The following PTPRT variants were observed in gnomAD, a reference collection of about 807,000 sequenced individuals.
The protein encoded by PTPRT is receptor-type tyrosine-protein phosphatase T.
PTPRT carries 56 observed loss-of-function variants against 176.8 expected under a neutral mutation model. The observed-to-expected ratio is 0.32, with a 90% CI of 0.26 to 0.40. The LOEUF is 0.40. Among genes scored for constraint, PTPRT ranks in the 10% least tolerant of loss-of-function variants. The pLI, the probability that PTPRT is intolerant of heterozygous loss-of-function variation, is 1.00. For synonymous variants in PTPRT, 783 were observed against 739.0 expected (o/e 1.06, Z -0.96); for missense variants, 1,540 against 1,908.2 (o/e 0.81, Z 3.60).
At chr20:42,350,214 G>GTTT (rs764181357) in intron 11 of PTPRT, among the ~76,000 whole-genome samples, 671 of 58,140 alleles carry the variant, frequency 0.012, 23 homozygotes, top group Non-Finnish European at 0.016. Context: ...GATGTTTCTT[G>GTTT]TTTTTTTTTT....
intron 9 of PTPRT, among the ~76,000 whole-genome samples, chr20:42,378,006 T>C (rs2058666807): frequency 6.6e-6 from 1 of 152,220 alleles, no homozygotes; most frequent in Admixed American, 6.5e-5. Flanking sequence ...AGAGGAGGAC[T>C]GATTATTTCA....
intron 19 of PTPRT, among the ~76,000 whole-genome samples, chr20:42,126,593 A>T (rs1600557275): frequency 2.0e-5 from 3 of 152,102 alleles, no homozygotes; most frequent in South Asian, 2.1e-4. Context: ...TCCTCCAGGG[A>T]GCCTTCACTG....
At chr20:42,637,622 C>T (rs1197308572) in intron 7 of PTPRT, among the ~76,000 whole-genome samples, 1 of 152,094 alleles carries the variant, frequency 6.6e-6, no homozygotes, top group African/African-American at 2.4e-5. Flanking sequence ...CTGTCCCTTC[C>T]CTGAAAATTT....
chr20:42,361,163 C>A (rs1270370850), intron 9 of PTPRT, among the ~76,000 whole-genome samples: 2 of 152,126 alleles, frequency 1.3e-5, no homozygotes, highest in Non-Finnish European at 2.9e-5. Context: ...GAGGGTCTGT[C>A]TGAGCCCACC....
chr20:42,146,548 G>C (rs573286325), intron 17 of PTPRT, among the ~76,000 whole-genome samples: 10 of 152,272 alleles, frequency 6.6e-5, no homozygotes, highest in South Asian at 2.1e-4. Context: ...ACTCTCTGGG[G>C]TGGGACATAG....
At chr20:42,673,988 G>A (rs1479491167) in intron 7 of PTPRT, among the ~76,000 whole-genome samples, 1 of 151,872 alleles carries the variant, frequency 6.6e-6, no homozygotes. Context: ...AATTCCTCTG[G>A]GCAGAAATTA....
chr20:42,911,762 A>G (rs1019560121), intron 1 of PTPRT, among the ~76,000 whole-genome samples: 2 of 152,122 alleles, frequency 1.3e-5, no homozygotes, highest in Admixed American at 6.6e-5. Flanking sequence ...ACTGTGATCT[A>G]TGGCTTTTGA....
At chr20:42,352,880 A>G (rs1032945592) in intron 9 of PTPRT, among the ~76,000 whole-genome samples, 2 of 152,184 alleles carry the variant, frequency 1.3e-5, no homozygotes, top group Admixed American at 6.5e-5. Context: ...TTTTAAAAAA[A>G]GAAACAGAGG....
At chr20:42,646,747 A>C (rs1202552629) in intron 7 of PTPRT, among the ~76,000 whole-genome samples, 2 of 151,682 alleles carry the variant, frequency 1.3e-5, no homozygotes, top group African/African-American at 4.9e-5. Context: ...AACTAAGGGG[A>C]TACTTAACCT....
At chr20:42,086,126 A>T (rs1983880210) in intron 27 of PTPRT, among the ~76,000 whole-genome samples, 1 of 151,988 alleles carries the variant, frequency 6.6e-6, no homozygotes, top group East Asian at 1.9e-4. Flanking sequence ...TTTAGTAAAG[A>T]TGGGGTTTCG....
chr20:42,168,228 C>A (rs1328309822), intron 16 of PTPRT, among the ~76,000 whole-genome samples: 1 of 152,038 alleles, frequency 6.6e-6, no homozygotes, highest in Non-Finnish European at 1.5e-5. Flanking sequence ...GTGACAGAGT[C>A]AGAAGAAAAT....
chr20:42,547,656 T>C (rs1245023222), intron 7 of PTPRT, among the ~76,000 whole-genome samples: 6 of 152,030 alleles, frequency 3.9e-5, no homozygotes, highest in Non-Finnish European at 5.9e-5. Flanking sequence ...ATAGTATACA[T>C]TTTTGAGAAA....
At chr20:42,790,869 T>C (rs1185918195) in intron 3 of PTPRT, among the ~76,000 whole-genome samples, 1 of 152,194 alleles carries the variant, frequency 6.6e-6, no homozygotes, top group Non-Finnish European at 1.5e-5. Flanking sequence ...TAAAATAGGC[T>C]AGTACTAGTA....
At chr20:42,969,121 C>A (rs1179962784) in intron 1 of PTPRT, 1 of 152,168 alleles carries the variant, frequency 6.6e-6, no homozygotes, top group African/African-American at 2.4e-5. Context: ...GGGTGTCACA[C>A]GTACACTTGC....
chr20:42,144,739 T>A (rs1162016285), intron 17 of PTPRT, among the ~76,000 whole-genome samples: 1 of 152,180 alleles, frequency 6.6e-6, no homozygotes, highest in Non-Finnish European at 1.5e-5. Context: ...TTTCATTGCT[T>A]CTGAGACTGA....
chr20:43,182,534 G>A (rs2146484646), intron 1 of PTPRT, among the ~76,000 whole-genome samples: 1 of 152,108 alleles, frequency 6.6e-6, no homozygotes, highest in Admixed American at 6.5e-5. Flanking sequence ...GGGATTACAG[G>A]CACATGCTAC....
intron 5 of PTPRT, among the ~76,000 whole-genome samples, chr20:42,768,980 G>T (rs541484738): frequency 6.6e-6 from 1 of 152,332 alleles, no homozygotes; most frequent in South Asian, 2.1e-4. Context: ...ATATTGTGAT[G>T]GTCCTGCCTC....
At chr20:42,714,743 G>A (rs2076197960) in intron 6 of PTPRT, among the ~76,000 whole-genome samples, 1 of 152,238 alleles carries the variant, frequency 6.6e-6, no homozygotes, top group African/African-American at 2.4e-5. Context: ...GACACAGAGA[G>A]GTGGAGGCCA....
intron 15 of PTPRT, among the ~76,000 whole-genome samples, chr20:42,221,770 T>C (rs935530836): frequency 2.0e-5 from 3 of 152,114 alleles, no homozygotes; most frequent in African/African-American, 7.2e-5. Context: ...CCACCCACCC[T>C]GGCCTCCCAA....
Sources: allele counts gnomAD v4.1 joint callset (sites outside exome capture counted in the v4.1 genomes callset), GRCh38; gene constraint gnomAD v4.1.1; transcripts MANE v1.5; gene names NCBI Gene and HGNC (gene_info 2026-07-23, HGNC 2026-07-21).